Variants in TUBGCP2 observed in about 807,000 individuals in gnomAD.
TUBGCP2 encodes gamma-tubulin complex component 2.
A neutral mutation model predicts 92.2 loss-of-function variants in TUBGCP2; 55 were observed. That is an observed-to-expected ratio of 0.60 (90% CI 0.48 to 0.75). The LOEUF (loss-of-function observed/expected upper bound fraction) is 0.75. Ranked by LOEUF, TUBGCP2 falls within the 30% of genes least tolerant of loss-of-function variation. TUBGCP2 has a pLI of 0.00. For synonymous variants in TUBGCP2, 533 were observed against 505.2 expected (o/e 1.06, Z -0.74); for missense variants, 1,093 against 1,188.9 (o/e 0.92, Z 1.19).
chr10:133,287,998 T>A, intron 11 of TUBGCP2, 131 bp downstream of exon 11: 1 of 1,249,576 alleles, frequency 8.0e-7, no homozygotes. Flanking sequence ...GGTAGCCAAG[T>A]GAAGGAAACA....
chr10:133,298,902 TA>T, intron 4 of TUBGCP2, among the ~76,000 whole-genome samples: 1 of 152,272 alleles, frequency 6.6e-6, no homozygotes, highest in Middle Eastern at 3.4e-3. Flanking sequence ...AAAGGGAGTT[TA>T]AAGGTCACAA....
intron 13 of TUBGCP2, among the ~76,000 whole-genome samples, chr10:133,284,445 C>T (rs1293927020): frequency 6.6e-6 from 1 of 152,254 alleles, no homozygotes; most frequent in East Asian, 1.9e-4. Flanking sequence ...TCACTGCAGC[C>T]TTGACCTCCT....
chr10:133,285,445 C>T lies in TUBGCP2; in HGVS notation c.1895+11G>A, dbSNP rs1326269566. The T allele has an allele frequency of 1.2e-6, 2 of 1,613,160 alleles. No homozygotes were observed. Among genetic ancestry groups the T allele is most frequent in the African/African-American group, 2.7e-5 (2 of 74,882 alleles). On this transcript the variant is annotated intron_variant, in intron 12 of 17. Coordinates refer to ENST00000252936, the MANE Select transcript of TUBGCP2 (RefSeq NM_006659.4). This position sits in a 1 kb window ranked among gnomAD's most constrained non-coding sequence, Gnocchi z 6.8. The stretch of plus-strand genomic sequence containing the variant: ...GAAGATCTGGCAGGTGCCCGAGCAG[C>T]CGACCCGCACCTGTTGATGATGAGC...
intron 2 of TUBGCP2, among the ~76,000 whole-genome samples, chr10:133,300,992 A>G (rs1354453645): frequency 6.6e-6 from 1 of 151,910 alleles, no homozygotes; most frequent in African/African-American, 2.4e-5. Flanking sequence ...ACTGGAGAGT[A>G]GCGACTTACC....
intron 13 of TUBGCP2, 126 bp downstream of exon 13, chr10:133,284,959 C>T (rs1281338664): frequency 1.4e-6 from 2 of 1,401,856 alleles, no homozygotes; most frequent in Admixed American, 2.4e-5. Context: ...CGTGCGCTTC[C>T]AGATGACACT....
chr10:133,311,932 A>G (rs776060122), upstream of TUBGCP2: 5 of 1,612,956 alleles, frequency 3.1e-6, no homozygotes, highest in African/African-American at 6.7e-5. Context: ...CTCTTCTCAT[A>G]CTGAATTCAG....
chr10:133,296,280 C>T (rs1020153921), intron 5 of TUBGCP2, among the ~76,000 whole-genome samples: 14 of 152,210 alleles, frequency 9.2e-5, no homozygotes, highest in African/African-American at 2.9e-4. Context: ...GCCGGCTCCA[C>T]TGCTGGGATC....
intron 5 of TUBGCP2, among the ~76,000 whole-genome samples, 168 bp from the exon 6 acceptor site, chr10:133,293,937 G>A (rs1335416024): frequency 2.0e-5 from 3 of 152,256 alleles, no homozygotes; most frequent in Non-Finnish European, 4.4e-5. Flanking sequence ...GCCACAGGCT[G>A]AGTTCCAACC....
At chr10:133,293,483 G>T in intron 6 of TUBGCP2, 79 bp downstream of exon 6, 2 of 1,466,314 alleles carry the variant, frequency 1.4e-6, no homozygotes, top group Non-Finnish European at 9.3e-7. Context: ...CGATGCAGAC[G>T]TCCCCATGGT....
rs559827848 is a variant in TUBGCP2 at position 133,291,908 on chromosome 10, C to T, written c.1214+591G>A. On this transcript the variant is annotated intron_variant, in intron 8 of 17. Coordinates refer to ENST00000252936, the MANE Select transcript of TUBGCP2 (RefSeq NM_006659.4). ...GAGGGCAGCATGCACCGTCCGTGTC[C>T]CCCATGTCCCTCCGTGTCCCCCATG... 8.2e-4 allele frequency among the ~76,000 whole-genome samples: 18 copies of T among 21,908 alleles called. 3 individuals carry two copies. In the South Asian group the frequency reaches 0.024, roughly 29 times the overall value. The allele number at this position is 21,908 out of a possible 152,430, so 14.4% of individuals were successfully genotyped here.
chr10:133,292,902 A>G, intron 7 of TUBGCP2, 137 bp downstream of exon 7: 1 of 1,126,936 alleles, frequency 8.9e-7, no homozygotes, highest in Non-Finnish European at 1.2e-6. Context: ...TAGCACATGG[A>G]GCAACATGAG....
chr10:133,299,399 A>G, intron 4 of TUBGCP2, 28 bp downstream of exon 4: 4 of 1,546,612 alleles, frequency 2.6e-6, no homozygotes, highest in Non-Finnish European at 2.6e-6. Flanking sequence ...TGCAGCATGG[A>G]GCCTGTGGAC....
chr10:133,293,802 C>T, intron 5 of TUBGCP2, 33 bp from the exon 6 acceptor site: 1 of 1,549,086 alleles, frequency 6.5e-7, no homozygotes, highest in Non-Finnish European at 8.7e-7. Context: ...GGCTCTGCAG[C>T]CCCCACTCCC....
intron 2 of TUBGCP2, chr10:133,300,657 T>G (rs1589835106): frequency 6.5e-6 from 1 of 153,038 alleles, no homozygotes; most frequent in East Asian, 1.9e-4. Context: ...TTTAATTTTT[T>G]CTAGAGACAG....
rs1847601618 is a variant in TUBGCP2, at chr10:133,299,999, T to C, written c.265A>G (p.Thr89Ala). The stretch of plus-strand genomic sequence containing the variant: ...TGGGCACCTACCTCTTTGTCTTCCG[T>C]GAGCTTTGACAACAGGTACACCAGC... ...DPLVYLLSKL[T>A]EDKETLQYLQ... The change falls in exon 3 of 18, where the codon ACG becomes GCG. Residue 89 changes from threonine to alanine, a missense_variant. Around this residue, in one of 3 missense-constraint regions of TUBGCP2, gnomAD observed 490 missense variants for 488.5 expected, o/e 1.00. Coordinates refer to ENST00000252936, the MANE Select transcript of TUBGCP2 (RefSeq NM_006659.4). 6.2e-7 allele frequency: 1 copy of C among 1,612,410 alleles called. No homozygotes were observed. The highest frequency in any genetic ancestry group is 8.5e-7 in the Non-Finnish European group (1 of 1,178,516).
chr10:133,294,560 G>A (rs1847446100), intron 5 of TUBGCP2, among the ~76,000 whole-genome samples: 1 of 151,676 alleles, frequency 6.6e-6, no homozygotes, highest in African/African-American at 2.4e-5. Context: ...ACCAACGCAA[G>A]CCCTTCAGCG....
chr10:133,302,242 C>A, intron 2 of TUBGCP2: 1 of 164,786 alleles, frequency 6.1e-6, no homozygotes, highest in South Asian at 1.5e-4. Flanking sequence ...GTTGCCGGTA[C>A]CATTGAGGCC....
intron 11 of TUBGCP2, among the ~76,000 whole-genome samples, chr10:133,286,522 G>A (rs1335639219): frequency 1.3e-5 from 2 of 152,204 alleles, no homozygotes; most frequent in Admixed American, 6.5e-5. Context: ...GGAAAGACAC[G>A]GCCTCAACCC....
Position 133,285,420 on chromosome 10 carries a change from G to A in TUBGCP2, c.1895+36C>T, listed in dbSNP as rs980775038. On this transcript the variant is annotated intron_variant, in intron 12 of 17. Coordinates refer to ENST00000252936, the MANE Select transcript of TUBGCP2 (RefSeq NM_006659.4). This position sits in a 1 kb window ranked among gnomAD's most constrained non-coding sequence, Gnocchi z 6.8. Reference sequence around the variant, plus strand: ...GTTCTCGCTTCTGCCAAACCTGAGTGAAGATCTGGCAGGTGCCCGAGCAGC... The same window carrying A: ...GTTCTCGCTTCTGCCAAACCTGAGTAAAGATCTGGCAGGTGCCCGAGCAGC... 9 of 1,612,756 alleles carry A rather than the reference G, an allele frequency of 5.6e-6. No homozygotes were observed. The highest frequency in any genetic ancestry group is 1.3e-5 in the African/African-American group (1 of 75,048).
Sources: gnomAD v4.1 joint callset for allele counts (sites outside exome capture counted in the v4.1 genomes callset) on GRCh38, gnomAD v4.1.1 for gene constraint, gnomAD v4.1.1 regional missense constraint, Gnocchi (gnomAD v3.1) non-coding constraint, MANE v1.5 for transcripts, NCBI Gene and HGNC (gene_info 2026-07-23, HGNC 2026-07-21) for gene names.